Variants in MIIP observed in about 807,000 individuals in gnomAD.
The protein encoded by MIIP is migration and invasion inhibitory protein.
A neutral mutation model predicts 44.8 loss-of-function variants in MIIP; 44 were observed. The ratio of observed to expected loss-of-function variants is 0.98; its 90% CI spans 0.77 to 1.26. The LOEUF (loss-of-function observed/expected upper bound fraction) is 1.26. Among genes scored for constraint, MIIP ranks in the 50% most tolerant of loss-of-function variants. MIIP has a pLI of 0.00. For synonymous variants in MIIP, 225 were observed against 218.3 expected, an observed-to-expected ratio of 1.03 and a Z score of -0.27; for missense variants, 496 against 511.7, an observed-to-expected ratio of 0.97 and a Z score of 0.30.
Position 12,022,847 on chromosome 1 carries a change from C to G in MIIP, c.477C>G (p.Phe159Leu), listed in dbSNP as rs1380515717. The G allele has an allele frequency of 6.2e-7, 1 of 1,605,856 alleles. No homozygotes were observed. Among genetic ancestry groups the G allele is most frequent in the African/African-American group, 1.3e-5 (1 of 74,712 alleles). ...QSKLSKPRVT[F>L]SEESAVPKRS... Reference sequence around the variant, plus strand: ...TCCTTCCTCAGCCCAGGGTGACCTTCTCTGAGGAGTCTGCAGTTCCTAAGA... The same window carrying G: ...TCCTTCCTCAGCCCAGGGTGACCTTGTCTGAGGAGTCTGCAGTTCCTAAGA... The change falls in exon 4 of 10, where the codon TTC becomes TTG. Residue 159 changes from phenylalanine (F) to leucine (L), a missense_variant. Transcript: ENST00000235332.
Position 12,030,038 on chromosome 1 carries a change from C to G in MIIP, c.856C>G (p.Pro286Ala). 4 of 1,613,516 alleles carry G rather than the reference C, an allele frequency of 2.5e-6. No individual in the cohort carries two copies. Among genetic ancestry groups the G allele is most frequent in the Non-Finnish European group, 3.4e-6 (4 of 1,179,886 alleles). ...AQPAHVRVSI[P>A]LSILEPPHRY... ...TGCCCCCCTGCGCAGGGTGAGCATC[C>G]CGCTGTCGATCCTGGAGCCCCCGCA... The change falls in exon 8 of 10, where the codon CCG (proline) becomes GCG (alanine). Residue 286 changes from proline to alanine, a missense_variant. Transcript: ENST00000235332.
chr1:12,023,985 C>T (rs1039436489), intron 4 of MIIP: 1 of 152,144 alleles, frequency 6.6e-6, no homozygotes, highest in Non-Finnish European at 1.5e-5. Context: ...CAGAGTGAGA[C>T]TCCGTCTCCA....
intron 4 of MIIP, 94 bp downstream of exon 4, chr1:12,023,011 G>A (rs1443354887): frequency 5.2e-6 from 5 of 962,648 alleles, no homozygotes; most frequent in Non-Finnish European, 7.9e-6. Context: ...TCCACCCGGT[G>A]CTGTTGCTTG....
intron 4 of MIIP, chr1:12,028,748 G>T (rs1640157280): frequency 2.4e-6 from 1 of 421,668 alleles, no homozygotes. Context: ...CAGGGGCTTT[G>T]TCTGTCTAGT....
chr1:12,023,059 CTTTTTTTTTTTT>C (rs869060053), intron 4 of MIIP, 142 bp downstream of exon 4: 12 of 353,332 alleles, frequency 3.4e-5, no homozygotes, highest in Admixed American at 9.2e-5. Flanking sequence ...GGAGCACCCT[CTTTTTTTTTTTT>C]TTTTTTTTTT....
intron 4 of MIIP, chr1:12,023,929 G>T (rs966778837): frequency 6.6e-6 from 1 of 152,146 alleles, no homozygotes; most frequent in African/African-American, 2.4e-5. Context: ...GGGAGGCGGA[G>T]GTTGCAGTGA....
In MIIP at chr1:12,029,111, A is replaced by G. The variant is rs1352782181; in HGVS notation, c.626A>G (p.Asn209Ser). Residue 209 changes from asparagine to serine, a missense_variant, in exon 5 of 10, where the codon AAC becomes AGC. By Grantham distance (46) the Asn-to-Ser change is conservative (BLOSUM62 1). Coordinates refer to ENST00000235332, the MANE Select transcript of MIIP (RefSeq NM_021933.4). ...FSKLQEFRET[N>S]KEECICSHPE... The stretch of plus-strand genomic sequence containing the variant: ...AAGCTGCAGGAGTTTCGGGAAACCA[A>G]CAAGGAGGAGTGTATCTGCAGCCAT... The G allele has an allele frequency of 1.9e-6, 3 of 1,613,844 alleles. No homozygotes were observed. Among genetic ancestry groups the G allele is most frequent in the East Asian group, 2.2e-5 (1 of 44,882 alleles).
rs747011999 is a variant in MIIP at position 12,029,791 on chromosome 1, CGCCTGTTCCCGGT to C, written c.749_761del (p.Phe250TrpfsTer30). On this transcript the variant is annotated frameshift_variant, in exon 7 of 10. Coordinates refer to ENST00000235332, the MANE Select transcript of MIIP (RefSeq NM_021933.4). LOFTEE classifies it high-confidence loss of function. ...CGTGTACTGTTACCGTGTCAACCGGCGCCTGTTCCCGGTGCCTGTGGATCCCGGTACCCCCTGC... is the reference window on the plus strand; with the variant it reads ...CGTGTACTGTTACCGTGTCAACCGGCGCCTGTGGATCCCGGTACCCCCTGC... The C allele has an allele frequency of 3.7e-5, 59 of 1,613,174 alleles. No individual in the cohort carries two copies. Among genetic ancestry groups the C allele is most frequent in the Non-Finnish European group, 4.7e-5 (55 of 1,179,570 alleles).
chr1:12,030,993 G>C, intron 8 of MIIP: 1 of 428,184 alleles, frequency 2.3e-6, no homozygotes, highest in Non-Finnish European at 4.3e-6. Flanking sequence ...AATCCATGCA[G>C]GTGCTTGGAG....
intron 4 of MIIP, 91 bp downstream of exon 4, chr1:12,023,008 G>C: frequency 1.0e-6 from 1 of 993,942 alleles, no homozygotes; most frequent in Non-Finnish European, 1.5e-6. Flanking sequence ...GCCTCCACCC[G>C]GTGCTGTTGC....
In MIIP at chr1:12,022,269, C is replaced by T. The variant is rs1476690307; in HGVS notation, c.289C>T (p.Pro97Ser). The change falls in exon 3 of 10, where the codon CCT becomes TCT. Residue 97 changes from proline (P) to serine (S), a missense_variant. Pro to Ser is a moderately conservative substitution (Grantham distance 74, BLOSUM62 -1). Coordinates refer to ENST00000235332, the MANE Select transcript of MIIP (RefSeq NM_021933.4). ...VARSGVASLP[P>S]AKCQHQESLG... Reference sequence around the variant, plus strand: ...CAGATCGGGGGTGGCCTCTCTCCCACCTGCCAAATGCCAGCACCAGGAGTC... The same window carrying T: ...CAGATCGGGGGTGGCCTCTCTCCCATCTGCCAAATGCCAGCACCAGGAGTC... 1 of 1,613,678 alleles carries T rather than the reference C, an allele frequency of 6.2e-7. No individual in the cohort carries two copies. Among genetic ancestry groups the T allele is most frequent in the African/African-American group, 1.3e-5 (1 of 74,928 alleles).
At chr1:12,031,607 G>A in intron 9 of MIIP, 115 bp from the exon 10 acceptor site, 2 of 1,611,610 alleles carry the variant, frequency 1.2e-6, no homozygotes, top group Non-Finnish European at 8.5e-7. Flanking sequence ...CGCCTGCCCT[G>A]CTCCACCCAG....
At chr1:12,029,402 A>T in intron 6 of MIIP, 121 bp downstream of exon 6, 1 of 1,127,986 alleles carries the variant, frequency 8.9e-7, no homozygotes, top group Admixed American at 2.4e-5. Flanking sequence ...AGATGTTGAG[A>T]CTCATGGAGG....
intron 4 of MIIP, 46 bp from the exon 5 acceptor site, chr1:12,028,987 C>A: frequency 6.6e-7 from 1 of 1,512,300 alleles, no homozygotes. Flanking sequence ...ACACAGCAGC[C>A]CCCAGCCCCT....
At chr1:12,026,223 TG>T (rs1640103191) in intron 4 of MIIP, among the ~76,000 whole-genome samples, 1 of 152,128 alleles carries the variant, frequency 6.6e-6, no homozygotes, top group Admixed American at 6.5e-5. Context: ...GAGAATCATT[TG>T]AATCCAGGAA....
rs886741623 is a variant in MIIP at position 12,019,564 on chromosome 1, G to A, written c.-83+12G>A. On this transcript the variant is annotated intron_variant, in intron 1 of 9. Coordinates refer to ENST00000235332, the MANE Select transcript of MIIP (RefSeq NM_021933.4). ...GGGGATTCTGCCGGGTGAGTGCTGG[G>A]CGGCAGGACTGGGGTGGGGCGGAAG... 6.5e-6 allele frequency: 1 copy of A among 152,702 alleles called. No homozygotes were observed. Among genetic ancestry groups the A allele is most frequent in the Non-Finnish European group, 1.5e-5 (1 of 68,388 alleles). The allele number at this position is 152,702 out of a possible 1,614,324, so 9.5% of individuals were successfully genotyped here.
rs1389036243 is a variant in MIIP, at chr1:12,028,974, G to GAGA, written c.548-59_548-58insAGA. On this transcript the variant is annotated intron_variant, in intron 4 of 9. Transcript: ENST00000235332. Reference sequence around the variant, plus strand: ...TCGTCTCTCCAAGCCTTGGCCGGTGGCCACACAGCAGCCCCCAGCCCCTCT... The same window carrying GAGA: ...TCGTCTCTCCAAGCCTTGGCCGGTGGAGACCACACAGCAGCCCCCAGCCCCTCT... 1.5e-5 allele frequency: 21 copies of GAGA among 1,412,320 alleles called. No homozygotes were observed. In the East Asian group the frequency reaches 4.3e-4, roughly 29 times the overall value. The allele number at this position is 1,412,320 out of a possible 1,614,324, so 87.5% of individuals were successfully genotyped here.
At position 12,020,674 on chromosome 1, in the gene MIIP, C is replaced by G. The variant is rs537380243; in HGVS notation, c.-82-971C>G. ...TACTGGCGCCCACCACCACACCCGG[C>G]TAATTGTTTGTTGTTGTTGCTGTTT... On this transcript the variant is annotated intron_variant, in intron 1 of 9. Transcript: ENST00000235332. Among the ~76,000 whole-genome samples the G allele has an allele frequency of 1.2e-4, 19 of 152,104 alleles. No individual in the cohort carries two copies. The East Asian group carries it at 3.7e-3, about 29-fold the overall frequency.
At chr1:12,022,546 G>T in intron 3 of MIIP, 104 bp downstream of exon 3, 1 of 1,007,220 alleles carries the variant, frequency 9.9e-7, no homozygotes, top group Non-Finnish European at 1.4e-6. Flanking sequence ...TGCAGAATAA[G>T]AGGCTCCTGG....
Sources: allele counts gnomAD v4.1 joint callset (sites outside exome capture counted in the v4.1 genomes callset), GRCh38; gene constraint gnomAD v4.1.1; transcripts MANE v1.5; gene names NCBI Gene and HGNC (gene_info 2026-07-23, HGNC 2026-07-21).